VEGFA: variants seen among roughly 807,000 people sequenced by gnomAD.
VEGFA encodes vascular endothelial growth factor A, also known as vascular endothelial growth factor A, long form.
Under a neutral mutation model 49.7 loss-of-function variants are expected in VEGFA, and 20 were observed. That is an observed-to-expected ratio of 0.40 (90% CI 0.28 to 0.58). The LOEUF (loss-of-function observed/expected upper bound fraction) is 0.58, where lower values mean the gene tolerates loss of function less well. Among genes scored for constraint, VEGFA ranks in the 20% least tolerant of loss-of-function variants. The probability of loss-of-function intolerance (pLI) is 0.40; values close to 1 mark genes in which losing one functional copy is unlikely to be tolerated. For synonymous variants in VEGFA, 219 were observed against 223.4 expected (o/e 0.98, Z 0.18); for missense variants, 505 against 553.5 (o/e 0.91, Z 0.88).
Position 43,770,362 on chromosome 6 carries a change from G to T in VEGFA, c.-345G>T, listed in dbSNP as rs918754749. 2.1e-5 allele frequency: 7 copies of T among 327,336 alleles called. No individual in the cohort carries two copies. Among genetic ancestry groups the T allele is most frequent in the Non-Finnish European group, 3.8e-5 (7 of 183,338 alleles). 20.3% of individuals were successfully genotyped at this position (327,336 alleles called of 1,614,324 possible). A position where few individuals can be genotyped will look rare whatever the true frequency, so the allele number is the denominator to read the frequency against. On this transcript the variant is annotated 5_prime_UTR_variant, in exon 1 of 8. Coordinates refer to ENST00000672860, the MANE Select transcript of VEGFA (RefSeq NM_003376.6). Reference sequence around the variant, plus strand: ...TGGAATTTGATATTCATTGATCCGGGTTTTATCCCTCTTCTTTTTTCTTAA... The same window carrying T: ...TGGAATTTGATATTCATTGATCCGGTTTTTATCCCTCTTCTTTTTTCTTAA...
chr6:43,779,648 C>A (rs769218913), intron 5 of VEGFA: 2 of 462,706 alleles, frequency 4.3e-6, no homozygotes, highest in Non-Finnish European at 8.7e-6. Context: ...GCTGTGCGGA[C>A]ATTGAAGCCC....
Position 43,784,758 on chromosome 6 carries a change from C to A in VEGFA, c.*196C>A. 4 of 991,284 alleles carry A rather than the reference C, an allele frequency of 4.0e-6. No homozygotes were observed. Among genetic ancestry groups the A allele is most frequent in the Non-Finnish European group, 1.6e-6 (1 of 635,582 alleles). The allele number at this position is 991,284 out of a possible 1,614,324, so 61.4% of individuals were successfully genotyped here. On this transcript the variant is annotated 3_prime_UTR_variant, in exon 8 of 8. Transcript: ENST00000672860. ...CGCAGAGCACTTTGGGTCCGGAGGG[C>A]GAGACTCCGGCGGAAGCATTCCCGG...
rs74500696 is a variant in VEGFA, at chr6:43,781,108, G to A, written c.1034+305G>A. 9.1e-3 allele frequency: 5,496 copies of A among 604,954 alleles called. 46 individuals carry two copies. Among genetic ancestry groups the A allele is most frequent in the Non-Finnish European group, 0.011 (3,818 of 346,708 alleles). The allele number at this position is 604,954 out of a possible 1,614,324, so 37.5% of individuals were successfully genotyped here. A position where few individuals can be genotyped will look rare whatever the true frequency, so the allele number is the denominator to read the frequency against. On this transcript the variant is annotated intron_variant, in intron 6 of 7. Transcript: ENST00000672860. ...CTCTCACCCACTGGGCACTGGTGGCGGGCCCATGTTGGCACAGGTGCCTGC... is the reference window on the plus strand; with the variant it reads ...CTCTCACCCACTGGGCACTGGTGGCAGGCCCATGTTGGCACAGGTGCCTGC...
In VEGFA at chr6:43,784,735, C is replaced by T; in HGVS notation, c.*173C>T. 7.7e-7 allele frequency: 1 copy of T among 1,295,322 alleles called. No individual in the cohort carries two copies. The highest frequency in any genetic ancestry group is 1.2e-5 in the South Asian group (1 of 81,628). The allele number at this position is 1,295,322 out of a possible 1,614,324, so 80.2% of individuals were successfully genotyped here. A position where few individuals can be genotyped will look rare whatever the true frequency, so the allele number is the denominator to read the frequency against. On this transcript the variant is annotated 3_prime_UTR_variant, in exon 8 of 8. Transcript: ENST00000672860. ...AAATGAAGGAAGAGGAGACTCTGCG[C>T]AGAGCACTTTGGGTCCGGAGGGCGA...
intron 1 of VEGFA, 97 bp from the exon 2 acceptor site, chr6:43,774,244 G>A (rs1285821102): frequency 1.9e-5 from 25 of 1,329,680 alleles, no homozygotes; most frequent in Non-Finnish European, 2.6e-5. Flanking sequence ...GAGGCTGTTG[G>A]TGGGAGGGAA....
In VEGFA at chr6:43,784,609, C is replaced by T. The variant is rs202125661; in HGVS notation, c.*47C>T. ...TCCCTCAGGGTTTCGGGAACCAGAT[C>T]TCTCACCAGGAAAGACTGATACAGA... On this transcript the variant is annotated 3_prime_UTR_variant, in exon 8 of 8. Transcript: ENST00000672860. 6.2e-7 allele frequency: 1 copy of T among 1,614,220 alleles called. No individual in the cohort carries two copies. The highest frequency in any genetic ancestry group is 8.5e-7 in the Non-Finnish European group (1 of 1,180,038).
rs1200025261 is a variant in VEGFA at position 43,771,108 on chromosome 6, C to T, written c.402C>T (p.Arg134=). The change falls in exon 1 of 8, where the codon CGC becomes CGT. Residue 134 remains arginine, a synonymous_variant. Transcript: ENST00000672860. ...GCGCAGACAGTGCTCCAGCCGCGCG[C>T]GCTCCCCAGGCCCTGGCCCGGGCCT... The T allele has an allele frequency of 1.4e-6, 2 of 1,464,086 alleles. No homozygotes were observed. The highest frequency in any genetic ancestry group is 1.5e-5 in the African/African-American group (1 of 67,586). The allele number at this position is 1,464,086 out of a possible 1,614,324, so 90.7% of individuals were successfully genotyped here.
At chr6:43,778,989 C>T in intron 5 of VEGFA, 71 bp downstream of exon 5, 1 of 1,600,628 alleles carries the variant, frequency 6.2e-7, no homozygotes, top group Non-Finnish European at 8.6e-7. Context: ...TCTTGGCTAC[C>T]TCTGTTGGGG....
intron 5 of VEGFA, chr6:43,780,184 CA>C (rs1299166964): frequency 4.5e-6 from 1 of 220,128 alleles, no homozygotes; most frequent in Non-Finnish European, 9.2e-6. Flanking sequence ...CCGCTTCCCC[CA>C]CACCGGGATT....
chr6:43,784,315 C>T, intron 7 of VEGFA: 1 of 613,732 alleles, frequency 1.6e-6, no homozygotes, highest in Non-Finnish European at 2.9e-6. Context: ...ACTGGGAGCC[C>T]CTGAGTGGAG....
chr6:43,770,730 C>A lies in VEGFA; in HGVS notation c.24C>A (p.Thr8=), dbSNP rs768625392. ...CGCTGACGGACAGACAGACAGACAC[C>A]GCCCCCAGCCCCAGCTACCACCTCC... is the stretch of plus-strand genomic sequence containing the variant. The change falls in exon 1 of 8, where the codon ACC becomes ACA. Residue 8 remains threonine, a synonymous_variant. Transcript: ENST00000672860. 2.0e-6 allele frequency: 3 copies of A among 1,534,144 alleles called. No homozygotes were observed. The African/African-American group carries it at 4.3e-5, about 22-fold the overall frequency.
In VEGFA at chr6:43,777,705, AG is replaced by A; in HGVS notation, c.855+46del. On this transcript the variant is annotated intron_variant, in intron 3 of 7. Transcript: ENST00000672860. The surrounding 1 kb of genome is among the most constrained non-coding windows in gnomAD (Gnocchi z 4.3). The stretch of plus-strand genomic sequence containing the variant: ...GAAGTGGGGCAAGGGGGGGATAGGG[AG>A]GGGGGTAACACTTTGGGAACAGGTG... 5 of 630,040 alleles carry A rather than the reference AG, an allele frequency of 7.9e-6. No individual in the cohort carries two copies. Among genetic ancestry groups the A allele is most frequent in the East Asian group, 4.3e-5 (1 of 23,118 alleles). The allele number at this position is 630,040 out of a possible 1,614,324, so 39.0% of individuals were successfully genotyped here. A position where few individuals can be genotyped will look rare whatever the true frequency, so the allele number is the denominator to read the frequency against.
At position 43,770,331 on chromosome 6, in the gene VEGFA, C is replaced by A. The variant is rs550145048; in HGVS notation, c.-376C>A. The A allele has an allele frequency of 3.6e-6, 1 of 280,734 alleles. No homozygotes were observed. Among genetic ancestry groups the A allele is most frequent in the East Asian group, 5.3e-5 (1 of 18,730 alleles). 17.4% of individuals were successfully genotyped at this position (280,734 alleles called of 1,614,324 possible). A position where few individuals can be genotyped will look rare whatever the true frequency, so the allele number is the denominator to read the frequency against. Reference sequence around the variant, plus strand: ...CAGCGGACTCACCGGCCAGGGCGCTCGGTGCTGGAATTTGATATTCATTGA... The same window carrying A: ...CAGCGGACTCACCGGCCAGGGCGCTAGGTGCTGGAATTTGATATTCATTGA... On this transcript the variant is annotated 5_prime_UTR_variant, in exon 1 of 8. Transcript: ENST00000672860.
At chr6:43,780,654 T>G in intron 5 of VEGFA, 78 bp from the exon 6 acceptor site, 3 of 1,440,356 alleles carry the variant, frequency 2.1e-6, no homozygotes, top group Non-Finnish European at 2.9e-6. Flanking sequence ...CGTTCCCCCA[T>G]CCCTGCCCAC....
chr6:43,779,036 G>A lies in VEGFA; in HGVS notation c.962+118G>A, dbSNP rs374332982. ...CTCCCTGGGTCAGGGACTTGGTCTT[G>A]TGGGGGACTTGTGGTGGCAGCAACA... On this transcript the variant is annotated intron_variant, in intron 5 of 7. Coordinates refer to ENST00000672860, the MANE Select transcript of VEGFA (RefSeq NM_003376.6). 1.9e-4 allele frequency: 262 copies of A among 1,360,908 alleles called. 4 individuals carry two copies. In the African/African-American group the frequency reaches 2.4e-3, roughly 12 times the overall value. 84.3% of individuals were successfully genotyped at this position (1,360,908 alleles called of 1,614,324 possible).
chr6:43,771,411 C>T (rs1763504137), intron 1 of VEGFA, 99 bp downstream of exon 1: 10 of 1,263,102 alleles, frequency 7.9e-6, no homozygotes, highest in Non-Finnish European at 1.1e-5. Context: ...CCGTGCCCCA[C>T]GCGGGTCCAT....
At chr6:43,774,491 A>T in intron 2 of VEGFA, 99 bp downstream of exon 2, 1 of 1,377,656 alleles carries the variant, frequency 7.3e-7, no homozygotes, top group South Asian at 1.2e-5. Context: ...AGGAAGGGGA[A>T]GGGGCACAGG....
Position 43,771,306 on chromosome 6 carries a change from T to C in VEGFA, c.600T>C (p.His200=), listed in dbSNP as rs1763440718. Reference sequence around the variant, plus strand: ...TTGCCTTGCTGCTCTACCTCCACCATGCCAAGGTAAGCGGTCGTGCCCTGC... The same window carrying C: ...TTGCCTTGCTGCTCTACCTCCACCACGCCAAGGTAAGCGGTCGTGCCCTGC... The change falls in exon 1 of 8, where the codon CAT becomes CAC. Residue 200 remains histidine (H), a synonymous_variant. Coordinates refer to ENST00000672860, the MANE Select transcript of VEGFA (RefSeq NM_003376.6). 1.2e-6 allele frequency: 2 copies of C among 1,603,094 alleles called. No homozygotes were observed. Among genetic ancestry groups the C allele is most frequent in the Admixed American group, 3.4e-5 (2 of 59,522 alleles).
chr6:43,773,843 C>G lies in VEGFA; in HGVS notation c.607-498C>G, dbSNP rs1207362655. ...GGTGCCCTTCGGTCCTCGGCACCCCCCTCCGTCTCCAACACCAGCTCACCC... is the reference window on the plus strand; with the variant it reads ...GGTGCCCTTCGGTCCTCGGCACCCCGCTCCGTCTCCAACACCAGCTCACCC... On this transcript the variant is annotated intron_variant, in intron 1 of 7. Transcript: ENST00000672860. This position sits in a 1 kb window ranked among gnomAD's most constrained non-coding sequence, Gnocchi z 5.6. 5.4e-6 allele frequency: 1 copy of G among 185,612 alleles called. No homozygotes were observed. Among genetic ancestry groups the G allele is most frequent in the African/African-American group, 2.3e-5 (1 of 43,372 alleles). 11.5% of individuals were successfully genotyped at this position (185,612 alleles called of 1,614,324 possible). A position where few individuals can be genotyped will look rare whatever the true frequency, so the allele number is the denominator to read the frequency against.
Sources: allele counts gnomAD v4.1 joint callset, GRCh38; gene constraint gnomAD v4.1.1; non-coding constraint Gnocchi (gnomAD v3.1); transcripts MANE v1.5; gene names NCBI Gene and HGNC (gene_info 2026-07-23, HGNC 2026-07-21).